SLC25A38: variants seen among roughly 807,000 people sequenced by gnomAD.
SLC25A38 encodes the protein mitochondrial glycine transporter.
In SLC25A38, 27 loss-of-function variants were observed where a neutral mutation model predicts 33.4. The ratio of observed to expected loss-of-function variants is 0.81; its 90% CI spans 0.60 to 1.11. The LOEUF (loss-of-function observed/expected upper bound fraction) is 1.11. SLC25A38 is among the 50% of genes most tolerant of loss of function. The pLI is 0.00. For missense variants in SLC25A38, 344 were observed against 388.8 expected, an observed-to-expected ratio of 0.88 and a Z score of 0.97; for synonymous variants, 123 against 145.9, an observed-to-expected ratio of 0.84 and a Z score of 1.13.
rs527536267 is a variant in SLC25A38, at chr3:39,383,488, G to A, written c.-237G>A. 8.2e-4 allele frequency: 469 copies of A among 570,192 alleles called. 2 individuals carry two copies. The highest frequency in any genetic ancestry group is 2.0e-3 in the Admixed American group (64 of 32,728). The allele number at this position is 570,192 out of a possible 1,614,324, so 35.3% of individuals were successfully genotyped here. On this transcript the variant is annotated 5_prime_UTR_variant, in exon 1 of 7. The change creates a new upstream start codon in the 5' untranslated region. Transcript: ENST00000650617. ...CAGAGCCGCGGAGTCTGCGGCGCGGGTGAAGAGCGGCGCGTAATTCCCGCA... is the reference window on the plus strand; with the variant it reads ...CAGAGCCGCGGAGTCTGCGGCGCGGATGAAGAGCGGCGCGTAATTCCCGCA...
chr3:39,396,275 G>T (rs1192407148), intron 6 of SLC25A38, 123 bp from the exon 7 acceptor site: 3 of 1,487,382 alleles, frequency 2.0e-6, no homozygotes, highest in Non-Finnish European at 2.8e-6. Context: ...CTTACTTTGG[G>T]CATAAAGTTT....
At chr3:39,392,090 A>T in intron 5 of SLC25A38, 69 bp downstream of exon 5, 1 of 1,582,128 alleles carries the variant, frequency 6.3e-7, no homozygotes, top group Non-Finnish European at 8.7e-7. Flanking sequence ...TTTCTCTGGG[A>T]TATGAGACTA....
rs1410558449 is a variant in SLC25A38, at chr3:39,389,579, A to T, written c.154A>T (p.Lys52Ter). ...TLLFQPLDLL[K>*]TRLQTLQPSD... ...CCTTTTCCAACCTCTGGATCTCCTT[A>T]AAACACGCCTGCAAACCCTCCAGCC... Residue 52 changes from lysine (K) to a stop codon, truncating the protein, a stop_gained, in exon 2 of 7, where the codon AAA (lysine) becomes TAA (stop). Transcript: ENST00000650617. LOFTEE classifies it high-confidence loss of function. The surrounding 1 kb of genome is among the most constrained non-coding windows in gnomAD (Gnocchi z 4.5). 3 of 1,614,152 alleles carry T rather than the reference A, an allele frequency of 1.9e-6. No homozygotes were observed. The highest frequency in any genetic ancestry group is 1.7e-6 in the Non-Finnish European group (2 of 1,180,026).
intron 6 of SLC25A38, 146 bp downstream of exon 6, chr3:39,394,722 C>G (rs2041809180): frequency 2.2e-6 from 2 of 926,982 alleles, no homozygotes; most frequent in African/African-American, 1.7e-5. Context: ...CCAACTATAT[C>G]AGAATGTCTA....
intron 1 of SLC25A38, among the ~76,000 whole-genome samples, chr3:39,388,919 G>A (rs1357472702): frequency 6.6e-6 from 1 of 152,148 alleles, no homozygotes; most frequent in Non-Finnish European, 1.5e-5. Context: ...AGCCAGGGGA[G>A]GCTACTGGTC....
chr3:39,395,593 C>A (rs140027382), intron 6 of SLC25A38, among the ~76,000 whole-genome samples: 1 of 151,742 alleles, frequency 6.6e-6, no homozygotes. Flanking sequence ...TATGTGAAAT[C>A]GCAAATCAAC....
chr3:39,385,678 C>T (rs1575241718), intron 1 of SLC25A38, among the ~76,000 whole-genome samples: 1 of 152,280 alleles, frequency 6.6e-6, no homozygotes, highest in East Asian at 1.9e-4. Context: ...ATTCCGCTGT[C>T]ACTGCTGAAC....
chr3:39,384,260 C>A (rs961380295), intron 1 of SLC25A38, among the ~76,000 whole-genome samples: 1 of 152,208 alleles, frequency 6.6e-6, no homozygotes, highest in Non-Finnish European at 1.5e-5. Context: ...CCAGTCGTGG[C>A]GGCACCCTTC....
In SLC25A38 at chr3:39,395,927, T is replaced by C. The variant is rs556958544; in HGVS notation, c.793-471T>C. Among the ~76,000 whole-genome samples, 20 of 151,958 alleles carry C rather than the reference T, an allele frequency of 1.3e-4. No homozygotes were observed. In the East Asian group the frequency reaches 3.5e-3, roughly 26 times the overall value. On this transcript the variant is annotated intron_variant, in intron 6 of 6. Coordinates refer to ENST00000650617, the MANE Select transcript of SLC25A38 (RefSeq NM_017875.4). ...CAACTACAAAAAAAAAAAATGGTTT[T>C]TGGCCAAGCGCGGTAGCTCACGCCT...
chr3:39,386,453 G>T (rs2041708800), intron 1 of SLC25A38, among the ~76,000 whole-genome samples: 1 of 152,098 alleles, frequency 6.6e-6, no homozygotes, highest in African/African-American at 2.4e-5. Flanking sequence ...ACACACCTGT[G>T]GTCCCAGCTA....
In SLC25A38 at chr3:39,396,524, A is replaced by G; in HGVS notation, c.*4A>G. On this transcript the variant is annotated 3_prime_UTR_variant, in exon 7 of 7. Transcript: ENST00000650617. Reference sequence around the variant, plus strand: ...CAAGATGGGCCTGAAGTCCTGACCAAGAGAGGACTGGGAACGGGTGAAATC... The same window carrying G: ...CAAGATGGGCCTGAAGTCCTGACCAGGAGAGGACTGGGAACGGGTGAAATC... 1 of 1,614,016 alleles carries G rather than the reference A, an allele frequency of 6.2e-7. No homozygotes were observed. Among genetic ancestry groups the G allele is most frequent in the South Asian group, 1.1e-5 (1 of 91,070 alleles).
intron 1 of SLC25A38, among the ~76,000 whole-genome samples, chr3:39,384,193 G>A (rs1382594600): frequency 6.6e-6 from 1 of 152,210 alleles, no homozygotes; most frequent in Non-Finnish European, 1.5e-5. Flanking sequence ...CGTTGATGCC[G>A]CAGCGAGCTG....
chr3:39,389,708 G>A lies in SLC25A38; in HGVS notation c.191+92G>A, dbSNP rs777764081. ...TGTTAAGTCAACTTCCATTCTGTTG[G>A]ATGTTCAGAGAGAAACACAGGCCAT... On this transcript the variant is annotated intron_variant, in intron 2 of 6. Coordinates refer to ENST00000650617, the MANE Select transcript of SLC25A38 (RefSeq NM_017875.4). The surrounding 1 kb of genome is among the most constrained non-coding windows in gnomAD (Gnocchi z 4.5). 5.7e-5 allele frequency: 92 copies of A among 1,602,132 alleles called. No homozygotes were observed. Among genetic ancestry groups the A allele is most frequent in the Non-Finnish European group, 6.5e-5 (76 of 1,171,000 alleles).
At chr3:39,391,310 G>T in intron 3 of SLC25A38, 131 bp from the exon 4 acceptor site, 3 of 1,226,428 alleles carry the variant, frequency 2.4e-6, no homozygotes, top group Non-Finnish European at 3.6e-6. Context: ...CTTCCCTATT[G>T]GTGTTCCTTC....
At chr3:39,391,099 AC>A (rs2041761240) in intron 3 of SLC25A38, among the ~76,000 whole-genome samples, 1 of 152,144 alleles carries the variant, frequency 6.6e-6, no homozygotes, top group African/African-American at 2.4e-5. Flanking sequence ...GCATTTCCAA[AC>A]CCACAGAGTC....
chr3:39,385,819 C>T (rs1044784472), intron 1 of SLC25A38, among the ~76,000 whole-genome samples: 1 of 152,116 alleles, frequency 6.6e-6, no homozygotes, highest in African/African-American at 2.4e-5. Context: ...CTGTAGAAGC[C>T]GGAAGGAGAG....
rs1372117091 is a variant in SLC25A38 at position 39,394,414 on chromosome 3, G to C, written c.630G>C (p.Gln210His). 6.2e-7 allele frequency: 1 copy of C among 1,612,658 alleles called. No homozygotes were observed. Among genetic ancestry groups the C allele is most frequent in the Non-Finnish European group, 8.5e-7 (1 of 1,179,996 alleles). The change falls in exon 6 of 7, where the codon CAG (glutamine) becomes CAC (histidine). Residue 210 changes from glutamine (Q) to histidine (H), a missense_variant. Physicochemically the swap from Gln to His is conservative, Grantham distance 24. Around this residue, in one of 2 missense-constraint regions of SLC25A38, gnomAD observed 269 missense variants for 271.8 expected, o/e 0.99. Transcript: ENST00000650617. Reference protein sequence around the residue: ...NQTKNIVPHDQVDATLIPITN... With the variant: ...NQTKNIVPHDHVDATLIPITN... ...GTTACCTTTGTTCTATTTCAGACCA[G>C]GTGGATGCAACCCTTATTCCTATTA...
In SLC25A38 at chr3:39,391,836, C is replaced by G; in HGVS notation, c.457-17C>G. On this transcript the variant is annotated splice_polypyrimidine_tract_variant and intron_variant, in intron 4 of 6. Coordinates refer to ENST00000650617, the MANE Select transcript of SLC25A38 (RefSeq NM_017875.4). ...AGCGCCTCCATGCGAGTCACTGGTT[C>G]TGTGCTCTCTTTGCAGAGTGGGAAA... 7 of 1,612,982 alleles carry G rather than the reference C, an allele frequency of 4.3e-6. No homozygotes were observed. Among genetic ancestry groups the G allele is most frequent in the Non-Finnish European group, 5.1e-6 (6 of 1,179,908 alleles).
chr3:39,393,212 G>A (rs2041793029), intron 5 of SLC25A38, among the ~76,000 whole-genome samples: 1 of 152,158 alleles, frequency 6.6e-6, no homozygotes, highest in South Asian at 2.1e-4. Flanking sequence ...CTTAAGCCTG[G>A]GAGGTGGAGG....
Sources: allele counts gnomAD v4.1 joint callset (sites outside exome capture counted in the v4.1 genomes callset), GRCh38; gene constraint gnomAD v4.1.1; regional missense constraint gnomAD v4.1.1; non-coding constraint Gnocchi (gnomAD v3.1); transcripts MANE v1.5; gene names NCBI Gene and HGNC (gene_info 2026-07-23, HGNC 2026-07-21).